Variants in SBK1 observed in about 807,000 individuals in gnomAD.
The protein encoded by SBK1 is SH3 domain binding kinase 1, also known as serine/threonine-protein kinase SBK1.
In SBK1, 11 loss-of-function variants were observed where a neutral mutation model predicts 24.4. The ratio of observed to expected loss-of-function variants is 0.45; its 90% confidence interval spans 0.28 to 0.75. The LOEUF is 0.75. Among genes scored for constraint, SBK1 ranks in the 30% least tolerant of loss-of-function variants. The probability of loss-of-function intolerance (pLI) is 0.12; values close to 1 mark genes in which losing one functional copy is unlikely to be tolerated. For synonymous variants in SBK1, 308 were observed against 284.4 expected (o/e 1.08, Z -0.83); for missense variants, 467 against 620.5 (o/e 0.75, Z 2.63).
intron 1 of SBK1, among the ~76,000 whole-genome samples, chr16:28,265,795 G>A (rs1469156118): frequency 6.6e-6 from 1 of 151,560 alleles, no homozygotes; most frequent in Non-Finnish European, 1.5e-5. Context: ...CCAACATGAT[G>A]AAACCCTATC....
intron 1 of SBK1, among the ~76,000 whole-genome samples, chr16:28,294,127 C>G (rs944386361): frequency 7.2e-5 from 11 of 152,248 alleles, no homozygotes; most frequent in East Asian, 3.9e-4. Flanking sequence ...GGGCCAATTC[C>G]AGGGTCTCAC....
At chr16:28,263,861 A>G (rs2044412063) in intron 1 of SBK1, among the ~76,000 whole-genome samples, 1 of 152,184 alleles carries the variant, frequency 6.6e-6, no homozygotes, top group African/African-American at 2.4e-5. Context: ...ACAGTGGTTC[A>G]TGCCTATAAT....
rs961743811 is a variant in SBK1, at chr16:28,321,883, A to T, written c.*962A>T. 2.6e-5 allele frequency: 4 copies of T among 152,130 alleles called. No individual in the cohort carries two copies. Among genetic ancestry groups the T allele is most frequent in the African/African-American group, 9.7e-5 (4 of 41,368 alleles). The allele number at this position is 152,130 out of a possible 1,614,324, so 9.4% of individuals were successfully genotyped here. A position where few individuals can be genotyped will look rare whatever the true frequency, so the allele number is the denominator to read the frequency against. On this transcript the variant is annotated 3_prime_UTR_variant, in exon 4 of 4. Coordinates refer to ENST00000341901, the MANE Select transcript of SBK1 (RefSeq NM_001024401.3). ...CCAGGGACCTCTGCCGGGTCCTCCC[A>T]GCCCTTGCCACACAGCCTAGACGTA... is the stretch of plus-strand genomic sequence containing the variant.
rs534671438 is a variant in SBK1, at chr16:28,261,685, A to G, written c.257+2183A>G. The stretch of plus-strand genomic sequence containing the variant: ...AATCTGAGTTGAATTGTTAAAAAAT[A>G]CTACACTCCCAGACCCTGCATCGGA... On this transcript the variant is annotated intron_variant, in intron 1 of 3. Transcript: ENST00000671413. 3.3e-5 allele frequency among the ~76,000 whole-genome samples: 5 copies of G among 152,346 alleles called. No individual in the cohort carries two copies. The East Asian group carries it at 7.7e-4, about 24-fold the overall frequency.
chr16:28,312,629 G>A (rs935485146), intron 1 of SBK1, among the ~76,000 whole-genome samples: 17 of 152,220 alleles, frequency 1.1e-4, no homozygotes, highest in African/African-American at 2.7e-4. Flanking sequence ...TGGAATGAGC[G>A]AGGCCAGGGC....
At chr16:28,306,627 G>A (rs1473771147) in intron 1 of SBK1, among the ~76,000 whole-genome samples, 1 of 152,150 alleles carries the variant, frequency 6.6e-6, no homozygotes, top group Non-Finnish European at 1.5e-5. Context: ...GAGGGCCCTG[G>A]CAGTAGGGAT....
intron 1 of SBK1, among the ~76,000 whole-genome samples, chr16:28,297,964 G>A (rs767097431): frequency 2.6e-4 from 39 of 152,328 alleles, no homozygotes; most frequent in Middle Eastern, 6.8e-3. Context: ...GGCTGGGACC[G>A]TGGTTTTGTG....
chr16:28,311,713 AATTAAAGT>A (rs2044756098), intron 1 of SBK1, among the ~76,000 whole-genome samples: 1 of 150,658 alleles, frequency 6.6e-6, no homozygotes, highest in Non-Finnish European at 1.5e-5. Flanking sequence ...AAAAAAAAAG[AATTAAAGT>A]AAATAAGTGC....
At chr16:28,311,720 G>A (rs1208783072) in intron 1 of SBK1, among the ~76,000 whole-genome samples, 3 of 151,820 alleles carry the variant, frequency 2.0e-5, no homozygotes, top group Non-Finnish European at 4.4e-5. Flanking sequence ...AAGAATTAAA[G>A]TAAATAAGTG....
chr16:28,278,074 G>T (rs2044505799), intron 1 of SBK1, among the ~76,000 whole-genome samples: 1 of 152,266 alleles, frequency 6.6e-6, no homozygotes, highest in African/African-American at 2.4e-5. Context: ...GACCTTCTAA[G>T]GTGGTGTGAG....
intron 1 of SBK1, among the ~76,000 whole-genome samples, chr16:28,270,292 T>C (rs528976275): frequency 1.8e-4 from 27 of 152,050 alleles, no homozygotes; most frequent in African/African-American, 6.3e-4. Context: ...GATCTCTTGA[T>C]CTCGTGATCC....
At chr16:28,314,413 T>A (rs2044777785) in intron 1 of SBK1, among the ~76,000 whole-genome samples, 1 of 145,556 alleles carries the variant, frequency 6.9e-6, no homozygotes, top group African/African-American at 2.6e-5. Context: ...CACCTTGGCC[T>A]CCCAGATTGC....
In SBK1 at chr16:28,264,150, A is replaced by AT. The variant is rs1332623147; in HGVS notation, c.257+4648_257+4649insT. 1.1e-4 allele frequency among the ~76,000 whole-genome samples: 17 copies of AT among 152,274 alleles called. No homozygotes were observed. The East Asian group carries it at 2.5e-3, about 23-fold the overall frequency. ...TCTCTAAAACTAAAAATAAAATAAA[A>AT]ACAAACAAACATTGGAGACAAATCC... On this transcript the variant is annotated intron_variant, in intron 1 of 3. Coordinates refer to the SBK1 transcript ENST00000671413.
intron 1 of SBK1, among the ~76,000 whole-genome samples, chr16:28,280,143 A>ATG (rs1187072862): frequency 1.5e-3 from 85 of 57,230 alleles, no homozygotes; most frequent in African/African-American, 3.9e-3. Context: ...ATATATATAT[A>ATG]TATATATGTG....
chr16:28,308,932 C>T (rs1422042134), intron 1 of SBK1, among the ~76,000 whole-genome samples: 1 of 152,014 alleles, frequency 6.6e-6, no homozygotes, highest in African/African-American at 2.4e-5. Context: ...CTACAGGTGC[C>T]ATCACATGCA....
rs527876898 is a variant in SBK1 at position 28,317,932 on chromosome 16, C to A, written c.226+315C>A. ...GAGTGTCTGGGGAGGGCAGGGCTGC[C>A]GGCTGTGTCTGAGTATCACCAGCGT... On this transcript the variant is annotated intron_variant, in intron 2 of 3. Coordinates refer to ENST00000341901, the MANE Select transcript of SBK1 (RefSeq NM_001024401.3). The surrounding 1 kb of genome is among the most constrained non-coding windows in gnomAD (Gnocchi z 4.2). Among the ~76,000 whole-genome samples, 1 of 152,070 alleles carries A rather than the reference C, an allele frequency of 6.6e-6. No homozygotes were observed. The highest frequency in any genetic ancestry group is 1.5e-5 in the Non-Finnish European group (1 of 67,994).
chr16:28,303,224 G>A lies in SBK1; in HGVS notation c.-8+9924G>A, dbSNP rs77035172. Among the ~76,000 whole-genome samples the A allele has an allele frequency of 0.016, 2,440 of 152,176 alleles. 167 individuals are homozygous for A. In the East Asian group the frequency reaches 0.24, roughly 15 times the overall value. The stretch of plus-strand genomic sequence containing the variant: ...GGGCTTTGGAACACAATGAGAGCCA[G>A]TAGAGGCTGCTGAGCCTGGGGGTAA... On this transcript the variant is annotated intron_variant, in intron 1 of 3. Coordinates refer to ENST00000341901, the MANE Select transcript of SBK1 (RefSeq NM_001024401.3).
chr16:28,297,612 G>T (rs2044649688), intron 1 of SBK1, among the ~76,000 whole-genome samples: 2 of 152,232 alleles, frequency 1.3e-5, no homozygotes, highest in Non-Finnish European at 2.9e-5. Context: ...GGGCCTCAGT[G>T]CCCTCATCTA....
At chr16:28,283,665 G>A (rs1275007680) in intron 1 of SBK1, among the ~76,000 whole-genome samples, 1 of 152,178 alleles carries the variant, frequency 6.6e-6, no homozygotes, top group Non-Finnish European at 1.5e-5. Context: ...AACCCCTAAT[G>A]GGTAGGGAAG....
Sources: allele counts gnomAD v4.1 joint callset (sites outside exome capture counted in the v4.1 genomes callset), GRCh38; gene constraint gnomAD v4.1.1; non-coding constraint Gnocchi (gnomAD v3.1); transcripts MANE v1.5; gene names NCBI Gene and HGNC (gene_info 2026-07-23, HGNC 2026-07-21).